The following SBF2 variants were observed in gnomAD, a reference collection of about 807,000 sequenced individuals.
The protein encoded by SBF2 is SET binding factor 2.
SBF2 carries 112 observed loss-of-function variants against 225.2 expected under a neutral mutation model. The ratio of observed to expected loss-of-function variants is 0.50; its 90% CI spans 0.43 to 0.58. The LOEUF (loss-of-function observed/expected upper bound fraction) is 0.58. SBF2 is among the 20% of genes least tolerant of loss of function. SBF2 has a pLI of 0.00. For synonymous variants in SBF2, 763 were observed against 773.3 expected (o/e 0.99, Z 0.22); for missense variants, 1,996 against 2,206.2 (o/e 0.90, Z 1.91).
chr11:10,232,091 A>G (rs1958876358), intron 1 of SBF2, among the ~76,000 whole-genome samples: 1 of 152,214 alleles, frequency 6.6e-6, no homozygotes, highest in South Asian at 2.1e-4. Flanking sequence ...CTCCATGGGC[A>G]TAGGACCCTC....
At position 10,042,903 on chromosome 11, in the gene SBF2, C is replaced by T. The variant is rs768892954; in HGVS notation, c.220G>A (p.Asp74Asn). The T allele has an allele frequency of 6.8e-6, 11 of 1,613,984 alleles. 1 individual carries two copies. The East Asian group carries it at 1.3e-4, about 20-fold the overall frequency. The change falls in exon 3 of 40, where the codon GAC becomes AAC. Residue 74 changes from aspartate to asparagine, a missense_variant. Transcript: ENST00000256190. The stretch of plus-strand genomic sequence containing the variant: ...CATGAGCAGTAATGTCGATCTGAGT[C>T]AATGTCTGTCAGGACAACCACAAAG... ...TFFVVVLTDI[D>N]SDRHYCSCLT...
chr11:10,036,795 A>G (rs547903119), intron 3 of SBF2, among the ~76,000 whole-genome samples: 11 of 152,348 alleles, frequency 7.2e-5, no homozygotes, highest in South Asian at 4.1e-4. Flanking sequence ...GAAAGATAAC[A>G]TCTGAGACGC....
intron 2 of SBF2, among the ~76,000 whole-genome samples, chr11:10,177,515 T>C (rs1956522926): frequency 6.7e-6 from 1 of 150,006 alleles, no homozygotes; most frequent in Non-Finnish European, 1.5e-5. Flanking sequence ...AAAATCAATG[T>C]ACAAAAATCA....
chr11:10,028,516 C>G lies in SBF2; in HGVS notation c.555G>C (p.Gln185His), dbSNP rs1254270693. 2 of 1,613,742 alleles carry G rather than the reference C, an allele frequency of 1.2e-6. No individual in the cohort carries two copies. Among genetic ancestry groups the G allele is most frequent in the Non-Finnish European group, 1.7e-6 (2 of 1,179,740 alleles). The part of the protein sequence containing the change: ...SLGAGDRQLI[Q>H]TPLHDSLPIT... Reference sequence around the variant, plus strand: ...TAGGAAGACTATCATGTAAAGGAGTCTGGATCAACTGTCTATCTCCTGCAC... The same window carrying G: ...TAGGAAGACTATCATGTAAAGGAGTGTGGATCAACTGTCTATCTCCTGCAC... The change falls in exon 6 of 40, where the codon CAG (glutamine) becomes CAC (histidine). Residue 185 changes from glutamine (Q) to histidine (H), a missense_variant. Physicochemically the swap from Gln to His is conservative, Grantham distance 24 (BLOSUM62 0). Coordinates refer to ENST00000256190, the MANE Select transcript of SBF2 (RefSeq NM_030962.4).
intron 16 of SBF2, among the ~76,000 whole-genome samples, chr11:9,945,170 G>T (rs890954187): frequency 6.6e-6 from 1 of 152,038 alleles, no homozygotes; most frequent in Non-Finnish European, 1.5e-5. Flanking sequence ...AAAGCCGGAG[G>T]CATCACACTA....
chr11:9,847,469 C>G (rs1417155443), intron 22 of SBF2, among the ~76,000 whole-genome samples: 1 of 147,376 alleles, frequency 6.8e-6, no homozygotes, highest in Non-Finnish European at 1.5e-5. Flanking sequence ...TACTGTGTGC[C>G]ACATAAGATC....
At chr11:10,192,652 C>T (rs2135325439) in intron 2 of SBF2, among the ~76,000 whole-genome samples, 1 of 152,064 alleles carries the variant, frequency 6.6e-6, no homozygotes, top group East Asian at 1.9e-4. Context: ...AATCATTATC[C>T]TCATTTTATA....
chr11:9,850,142 T>A lies in SBF2; in HGVS notation c.2687A>T (p.Asp896Val). The change falls in exon 22 of 40, where the codon GAT (aspartate) becomes GTT (valine). Residue 896 changes from aspartate to valine, a missense_variant. Coordinates refer to ENST00000256190, the MANE Select transcript of SBF2 (RefSeq NM_030962.4). The stretch of plus-strand genomic sequence containing the variant: ...ACCTCCAGTAGCTTCTTCTCTTCCA[T>A]CAGGATCCAGCAAGACTCGAAGACC... The part of the protein sequence containing the change: ...CEGLRVLLDP[D>V]GREEATGGLL... The A allele has an allele frequency of 6.2e-7, 1 of 1,614,086 alleles. No individual in the cohort carries two copies. The highest frequency in any genetic ancestry group is 1.1e-5 in the South Asian group (1 of 91,080).
At chr11:10,061,786 CA>C (rs1260826688) in intron 2 of SBF2, among the ~76,000 whole-genome samples, 2 of 152,144 alleles carry the variant, frequency 1.3e-5, no homozygotes, top group African/African-American at 4.8e-5. Flanking sequence ...TTTACAGACT[CA>C]ATGCTATTCC....
intron 32 of SBF2, among the ~76,000 whole-genome samples, chr11:9,804,568 GA>G (rs1158021330): frequency 1.7e-4 from 26 of 152,192 alleles, no homozygotes; most frequent in African/African-American, 5.8e-4. Flanking sequence ...TCCTGACGCT[GA>G]AAAGTTTGCT....
chr11:10,302,221 GATTA>G (rs887594847), intron 1 of SBF2, among the ~76,000 whole-genome samples: 6 of 152,144 alleles, frequency 3.9e-5, no homozygotes, highest in African/African-American at 1.4e-4. Context: ...CGTTAACGAT[GATTA>G]ATTAAACAAA....
intron 17 of SBF2, among the ~76,000 whole-genome samples, chr11:9,880,019 G>C (rs192579438): frequency 4.9e-4 from 70 of 143,546 alleles, no homozygotes; most frequent in African/African-American, 1.8e-3. Context: ...GGGATGTGGA[G>C]GTTGCAGTGA....
chr11:9,945,155 C>A (rs1183839771), intron 16 of SBF2, among the ~76,000 whole-genome samples: 1 of 151,952 alleles, frequency 6.6e-6, no homozygotes, highest in African/African-American at 2.4e-5. Context: ...ACATCCAAAG[C>A]AAACAAAGCC....
intron 2 of SBF2, among the ~76,000 whole-genome samples, chr11:10,065,635 G>A (rs1168729292): frequency 2.6e-5 from 4 of 152,088 alleles, no homozygotes; most frequent in South Asian, 4.1e-4. Flanking sequence ...CAACTTAGAC[G>A]AAATAAAGAA....
chr11:9,785,335 A>G lies in SBF2; in HGVS notation c.5038-17T>C. The stretch of plus-strand genomic sequence containing the variant: ...TCTTTGGGACTGAAAAAGACAGGAC[A>G]GGAGCTAGGAAACCTTTACAGACAC... On this transcript the variant is annotated splice_polypyrimidine_tract_variant and intron_variant, in intron 36 of 39. Transcript: ENST00000256190. 6.2e-7 allele frequency: 1 copy of G among 1,608,746 alleles called. No individual in the cohort carries two copies. The highest frequency in any genetic ancestry group is 2.2e-5 in the East Asian group (1 of 44,842).
At chr11:10,032,160 G>T (rs1013723315) in intron 3 of SBF2, among the ~76,000 whole-genome samples, 10 of 152,078 alleles carry the variant, frequency 6.6e-5, no homozygotes, top group African/African-American at 2.2e-4. Context: ...AATAAAAAAC[G>T]CTTAAAACAA....
intron 2 of SBF2, among the ~76,000 whole-genome samples, chr11:10,108,294 T>C (rs1031800149): frequency 6.6e-6 from 1 of 152,076 alleles, no homozygotes; most frequent in African/African-American, 2.4e-5. Flanking sequence ...GACAGGTAAA[T>C]CAGACAGTTT....
intron 2 of SBF2, among the ~76,000 whole-genome samples, chr11:10,080,757 A>C (rs1951333835): frequency 6.6e-6 from 1 of 152,160 alleles, no homozygotes; most frequent in Admixed American, 6.6e-5. Context: ...CTGAAGGTAA[A>C]GGGGTAAAAA....
chr11:9,809,276 G>A, intron 30 of SBF2: 1 of 372,164 alleles, frequency 2.7e-6, no homozygotes, highest in Non-Finnish European at 5.0e-6. Context: ...GACCAGCCTG[G>A]GCAACATAGT....
Sources: gnomAD v4.1 joint callset for allele counts (sites outside exome capture counted in the v4.1 genomes callset) on GRCh38, gnomAD v4.1.1 for gene constraint, MANE v1.5 for transcripts, NCBI Gene and HGNC (gene_info 2026-07-23, HGNC 2026-07-21) for gene names.